The following RANBP10 variants were observed in gnomAD, a reference collection of about 807,000 sequenced individuals.
RANBP10 encodes the protein RAN binding protein 10.
In RANBP10, 24 loss-of-function variants were observed where a neutral mutation model predicts 72.8. The observed-to-expected ratio is 0.33, with a 90% CI of 0.24 to 0.46. The LOEUF is 0.46. RANBP10 is among the 20% of genes least tolerant of loss of function. The probability of loss-of-function intolerance (pLI) is 1.00; values close to 1 mark genes in which losing one functional copy is unlikely to be tolerated. For missense variants in RANBP10, 679 were observed against 817.5 expected (o/e 0.83, Z 2.07); for synonymous variants, 310 against 322.3 (o/e 0.96, Z 0.41).
chr16:67,729,850 A>T lies in RANBP10; in HGVS notation c.999-22T>A. The T allele has an allele frequency of 6.2e-7, 1 of 1,613,510 alleles. No individual in the cohort carries two copies. The highest frequency in any genetic ancestry group is 8.5e-7 in the Non-Finnish European group (1 of 1,179,820). On this transcript the variant is annotated intron_variant, in intron 8 of 13. Transcript: ENST00000317506. This position sits in a 1 kb window ranked among gnomAD's most constrained non-coding sequence, Gnocchi z 7.1. The stretch of plus-strand genomic sequence containing the variant: ...GCACCTGTGGAGGGAGCGGAGCAAT[A>T]ATGCTCTGGTTGTGGTCCAGGTTGA...
intron 2 of RANBP10, among the ~76,000 whole-genome samples, chr16:67,787,512 G>C (rs964672369): frequency 1.3e-5 from 2 of 152,102 alleles, no homozygotes; most frequent in African/African-American, 4.8e-5. Context: ...ATATGACCCA[G>C]CAATACCATT....
At chr16:67,727,559 T>A (rs558364104) in intron 12 of RANBP10, 121 bp from the exon 13 acceptor site, 3 of 1,317,412 alleles carry the variant, frequency 2.3e-6, no homozygotes, top group South Asian at 2.5e-5. Context: ...GGGTGTAGGG[T>A]CGGGCAGGGC....
At position 67,726,371 on chromosome 16, in the gene RANBP10, G is replaced by C. The variant is rs564879271; in HGVS notation, c.*57C>G. The C allele has an allele frequency of 2.4e-4, 389 of 1,605,956 alleles. No homozygotes were observed. The African/African-American group carries it at 4.5e-3, about 19-fold the overall frequency. ...TGCACCAGTTGCCTATGGAGGGCAG[G>C]GCAGCTCCAGCCCTGGGGCCAGTGG... On this transcript the variant is annotated 3_prime_UTR_variant, in exon 14 of 14. Coordinates refer to ENST00000317506, the MANE Select transcript of RANBP10 (RefSeq NM_020850.3).
intron 3 of RANBP10, among the ~76,000 whole-genome samples, chr16:67,768,043 C>T (rs1444296927): frequency 7.0e-6 from 1 of 142,182 alleles, no homozygotes; most frequent in Non-Finnish European, 1.5e-5. Flanking sequence ...CCAGCCTGGG[C>T]AACAGGGCAA....
At chr16:67,762,460 G>A (rs1486007108) in intron 3 of RANBP10, 1 of 152,208 alleles carries the variant, frequency 6.6e-6, no homozygotes, top group African/African-American at 2.4e-5. Context: ...CAGCCGCCAG[G>A]ATGCAAATGC....
At chr16:67,755,283 G>A (rs761618428) in intron 3 of RANBP10, among the ~76,000 whole-genome samples, 1 of 152,146 alleles carries the variant, frequency 6.6e-6, no homozygotes, top group Non-Finnish European at 1.5e-5. Context: ...CCCCTCCCTA[G>A]GTGGGTCTAG....
chr16:67,772,115 A>G, intron 2 of RANBP10, 29 bp from the exon 3 acceptor site: 1 of 1,585,454 alleles, frequency 6.3e-7, no homozygotes. Flanking sequence ...AAAAAACACA[A>G]AATTTTTGGT....
intron 2 of RANBP10, among the ~76,000 whole-genome samples, chr16:67,799,860 C>T (rs2055203988): frequency 6.6e-6 from 1 of 152,092 alleles, no homozygotes; most frequent in East Asian, 1.9e-4. Flanking sequence ...TGATGGCTCA[C>T]ACCTGTAATC....
At chr16:67,735,391 T>C (rs2053823166) in intron 5 of RANBP10, among the ~76,000 whole-genome samples, 2 of 152,188 alleles carry the variant, frequency 1.3e-5, no homozygotes, top group African/African-American at 4.8e-5. Flanking sequence ...CATGAAGGTC[T>C]GCTGCAATAG....
intron 2 of RANBP10, among the ~76,000 whole-genome samples, chr16:67,791,427 A>C (rs1262894855): frequency 6.6e-6 from 1 of 152,184 alleles, no homozygotes; most frequent in Non-Finnish European, 1.5e-5. Context: ...CGACGTTTTA[A>C]ATTTAAGCTC....
intron 2 of RANBP10, among the ~76,000 whole-genome samples, chr16:67,778,291 G>A (rs534014675): frequency 6.6e-6 from 1 of 151,966 alleles, no homozygotes; most frequent in African/African-American, 2.4e-5. Flanking sequence ...GGAGGTTGCA[G>A]TAAGCCAAGA....
At chr16:67,799,733 G>A (rs759276024) in intron 2 of RANBP10, among the ~76,000 whole-genome samples, 4 of 152,078 alleles carry the variant, frequency 2.6e-5, no homozygotes, top group Non-Finnish European at 5.9e-5. Flanking sequence ...CTGAGGTACA[G>A]TCCATCCTCC....
chr16:67,794,198 G>A (rs988483031), intron 2 of RANBP10, among the ~76,000 whole-genome samples: 4 of 152,118 alleles, frequency 2.6e-5, no homozygotes, highest in Admixed American at 6.6e-5. Context: ...AGCACTTTGA[G>A]GGGCCGAGGC....
intron 3 of RANBP10, among the ~76,000 whole-genome samples, chr16:67,745,883 G>A (rs2054064450): frequency 6.6e-6 from 1 of 151,830 alleles, no homozygotes; most frequent in Non-Finnish European, 1.5e-5. Flanking sequence ...CTGTCCAGGT[G>A]CGGTGGCTCA....
At chr16:67,759,959 G>A (rs1243599902) in intron 3 of RANBP10, among the ~76,000 whole-genome samples, 1 of 152,062 alleles carries the variant, frequency 6.6e-6, no homozygotes. Context: ...AATTAGCTGG[G>A]TGTGGTGGCA....
chr16:67,729,549 A>C lies in RANBP10; in HGVS notation c.1148-65T>G. The C allele has an allele frequency of 1.3e-6, 2 of 1,571,546 alleles. No homozygotes were observed. The highest frequency in any genetic ancestry group is 8.6e-7 in the Non-Finnish European group (1 of 1,158,972). Reference sequence around the variant, plus strand: ...TCCCATGAAATGAAGCCCCAAGAACAACCACAGTGGTCCCATTTCCCTTCT... The same window carrying C: ...TCCCATGAAATGAAGCCCCAAGAACCACCACAGTGGTCCCATTTCCCTTCT... On this transcript the variant is annotated intron_variant, in intron 9 of 13. Transcript: ENST00000317506. The surrounding 1 kb of genome is among the most constrained non-coding windows in gnomAD (Gnocchi z 7.1).
At chr16:67,776,905 T>C (rs1327065912) in intron 2 of RANBP10, among the ~76,000 whole-genome samples, 3 of 151,792 alleles carry the variant, frequency 2.0e-5, no homozygotes, top group Admixed American at 1.3e-4. Context: ...CCATTTCCAA[T>C]AGCATCAAAA....
chr16:67,731,536 C>T lies in RANBP10; in HGVS notation c.825G>A (p.Thr275=), dbSNP rs371350054. 8 of 1,614,074 alleles carry T rather than the reference C, an allele frequency of 5.0e-6. No individual in the cohort carries two copies. The highest frequency in any genetic ancestry group is 1.1e-5 in the South Asian group (1 of 91,086). Residue 275 remains threonine (T), a synonymous_variant, in exon 7 of 14, where the codon ACG becomes ACA. Coordinates refer to ENST00000317506, the MANE Select transcript of RANBP10 (RefSeq NM_020850.3). ...LVHHGYCATA[T]AFARMTETPI... is the part of the protein sequence containing the mutation. ...GGGTTTCAGTCATTCGAGCAAAAGCCGTGGCTGTGGCACAATACCCATGAT... is the reference window on the plus strand; with the variant it reads ...GGGTTTCAGTCATTCGAGCAAAAGCTGTGGCTGTGGCACAATACCCATGAT...
At chr16:67,799,567 G>T (rs2055198746) in intron 2 of RANBP10, among the ~76,000 whole-genome samples, 1 of 152,160 alleles carries the variant, frequency 6.6e-6, no homozygotes, top group South Asian at 2.1e-4. Flanking sequence ...GAATACAGGT[G>T]TGAGCCACTG....
Sources: allele counts gnomAD v4.1 joint callset (sites outside exome capture counted in the v4.1 genomes callset), GRCh38; gene constraint gnomAD v4.1.1; non-coding constraint Gnocchi (gnomAD v3.1); transcripts MANE v1.5; gene names NCBI Gene and HGNC (gene_info 2026-07-23, HGNC 2026-07-21).